Variants in GABRB1 observed in about 807,000 individuals in gnomAD.
GABRB1 encodes gamma-aminobutyric acid type A receptor subunit beta1, also known as gamma-aminobutyric acid receptor subunit beta-1.
A neutral mutation model predicts 51.6 loss-of-function variants in GABRB1; 17 were observed. The ratio of observed to expected loss-of-function variants is 0.33; its 90% CI spans 0.23 to 0.49. The LOEUF (loss-of-function observed/expected upper bound fraction) is 0.49, where lower values mean the gene tolerates loss of function less well. Among genes scored for constraint, GABRB1 ranks in the 20% least tolerant of loss-of-function variants. GABRB1 has a pLI of 0.99. For synonymous variants in GABRB1, 247 were observed against 218.9 expected, an observed-to-expected ratio of 1.13 and a Z score of -1.14; for missense variants, 410 against 600.6, an observed-to-expected ratio of 0.68 and a Z score of 3.32.
At chr4:47,093,242 C>A (rs77853667) in intron 3 of GABRB1, among the ~76,000 whole-genome samples, 1 of 152,126 alleles carries the variant, frequency 6.6e-6, no homozygotes, top group Admixed American at 6.5e-5. Flanking sequence ...ACCACTGAAA[C>A]GAATTCTATG....
At chr4:47,108,365 C>A (rs1032648034) in intron 3 of GABRB1, among the ~76,000 whole-genome samples, 2 of 152,004 alleles carry the variant, frequency 1.3e-5, no homozygotes, top group African/African-American at 4.8e-5. Context: ...GACAAACCTT[C>A]CGGAGTATTC....
intron 3 of GABRB1, among the ~76,000 whole-genome samples, chr4:47,097,148 C>T (rs1160948784): frequency 6.6e-6 from 1 of 152,174 alleles, no homozygotes; most frequent in Non-Finnish European, 1.5e-5. Flanking sequence ...AAGTGCCTTC[C>T]TACCTCTCTC....
At chr4:47,371,103 A>G (rs1727176229) in intron 5 of GABRB1, among the ~76,000 whole-genome samples, 1 of 59,742 alleles carries the variant, frequency 1.7e-5, no homozygotes, top group Admixed American at 2.3e-4. Flanking sequence ...CCCCACCCTG[A>G]CAGGCTCCAG....
chr4:47,280,761 C>A (rs1578059647), intron 4 of GABRB1, among the ~76,000 whole-genome samples: 1 of 151,782 alleles, frequency 6.6e-6, no homozygotes, highest in South Asian at 2.1e-4. Flanking sequence ...GATCCTCCCA[C>A]CTCTGCCTCC....
chr4:47,278,412 G>T (rs1723161149), intron 4 of GABRB1, among the ~76,000 whole-genome samples: 1 of 152,078 alleles, frequency 6.6e-6, no homozygotes, highest in Admixed American at 6.6e-5. Flanking sequence ...GCCTAGTGCT[G>T]GTTGGCATTT....
chr4:47,150,440 A>AGTTGT (rs1717389477), intron 3 of GABRB1, among the ~76,000 whole-genome samples: 1 of 151,974 alleles, frequency 6.6e-6, no homozygotes, highest in African/African-American at 2.4e-5. Context: ...TAAAAAACCT[A>AGTTGT]AAACAACTGC....
intron 2 of GABRB1, 122 bp downstream of exon 2, chr4:47,032,127 GGCACACACACACACAC>G (rs1725337317): frequency 1.7e-6 from 1 of 579,858 alleles, no homozygotes; most frequent in Non-Finnish European, 3.0e-6. Context: ...CTATACCCTG[GGCACACACACACACAC>G]ACACACACAC....
chr4:47,112,106 A>C (rs1260690978), intron 3 of GABRB1, among the ~76,000 whole-genome samples: 1 of 151,502 alleles, frequency 6.6e-6, no homozygotes, highest in Non-Finnish European at 1.5e-5. Flanking sequence ...AGTAGCTGGG[A>C]CTACAGGCGT....
At chr4:47,011,355 G>A (rs1724577158) in intron 1 of GABRB1, among the ~76,000 whole-genome samples, 1 of 152,168 alleles carries the variant, frequency 6.6e-6, no homozygotes, top group African/African-American at 2.4e-5. Context: ...GCTGTGAACT[G>A]TCTGGGCGGC....
intron 8 of GABRB1, among the ~76,000 whole-genome samples, chr4:47,423,974 C>T (rs1729179405): frequency 6.6e-6 from 1 of 152,100 alleles, no homozygotes; most frequent in Admixed American, 6.5e-5. Context: ...AATAATAACT[C>T]CCTGAATAAA....
intron 4 of GABRB1, among the ~76,000 whole-genome samples, chr4:47,302,120 T>C (rs1335839694): frequency 1.3e-5 from 2 of 152,308 alleles, no homozygotes; most frequent in East Asian, 1.9e-4. Flanking sequence ...CATGGTCATA[T>C]GTTTCCCTCC....
At chr4:47,070,191 A>G (rs748323631) in intron 3 of GABRB1, among the ~76,000 whole-genome samples, 57 of 151,962 alleles carry the variant, frequency 3.8e-4, no homozygotes, top group Middle Eastern at 3.4e-3. Flanking sequence ...AAGCACCACC[A>G]TGCCCAGCTA....
At chr4:47,365,310 T>A (rs911449750) in intron 5 of GABRB1, among the ~76,000 whole-genome samples, 9 of 152,258 alleles carry the variant, frequency 5.9e-5, no homozygotes, top group Admixed American at 6.5e-5. Flanking sequence ...TCTGTTTCAC[T>A]TTTTTGTTTG....
chr4:47,108,075 C>T (rs1488884277), intron 3 of GABRB1, among the ~76,000 whole-genome samples: 1 of 152,036 alleles, frequency 6.6e-6, no homozygotes, highest in Non-Finnish European at 1.5e-5. Context: ...CTTGAATCCA[C>T]TTCACATGCA....
intron 3 of GABRB1, among the ~76,000 whole-genome samples, chr4:47,068,862 A>G (rs1476148712): frequency 6.6e-6 from 1 of 152,262 alleles, no homozygotes; most frequent in African/African-American, 2.4e-5. Context: ...CAGGCTTGCT[A>G]CAAACCTTCA....
In GABRB1 at chr4:47,246,001, C is replaced by T. The variant is rs181329748; in HGVS notation, c.462-74126C>T. On this transcript the variant is annotated intron_variant, in intron 4 of 8. Coordinates refer to ENST00000295454, the MANE Select transcript of GABRB1 (RefSeq NM_000812.4). ...TCTTTAGTGGTGATTTGTGAGATTT[C>T]GGTGCACCCATCATCCAAGCAGTAT... Among the ~76,000 whole-genome samples the T allele has an allele frequency of 8.0e-3, 1,193 of 148,428 alleles. 12 individuals are homozygous for T. The highest frequency in any genetic ancestry group is 0.028 in the African/African-American group (1,131 of 40,348).
At chr4:47,342,689 G>A (rs1288325338) in intron 5 of GABRB1, among the ~76,000 whole-genome samples, 1 of 152,138 alleles carries the variant, frequency 6.6e-6, no homozygotes, top group African/African-American at 2.4e-5. Flanking sequence ...TATTCAGAAA[G>A]AGGGCCCTGA....
At chr4:47,200,900 G>A (rs1229929269) in intron 4 of GABRB1, among the ~76,000 whole-genome samples, 2 of 152,098 alleles carry the variant, frequency 1.3e-5, no homozygotes, top group East Asian at 3.9e-4. Flanking sequence ...AGCAGCCATA[G>A]TGGTTAATAA....
At chr4:47,129,054 A>G (rs905115198) in intron 3 of GABRB1, among the ~76,000 whole-genome samples, 5 of 152,132 alleles carry the variant, frequency 3.3e-5, no homozygotes, top group African/African-American at 1.2e-4. Flanking sequence ...ACATGATTGT[A>G]CAAATCCAAC....
Sources: allele counts gnomAD v4.1 joint callset (sites outside exome capture counted in the v4.1 genomes callset), GRCh38; gene constraint gnomAD v4.1.1; transcripts MANE v1.5; gene names NCBI Gene and HGNC (gene_info 2026-07-23, HGNC 2026-07-21).